SLC19A1: variants seen among roughly 807,000 people sequenced by gnomAD.
SLC19A1 encodes reduced folate transporter.
A neutral mutation model predicts 35.3 loss-of-function variants in SLC19A1; 37 were observed. The ratio of observed to expected loss-of-function variants is 1.05; its 90% confidence interval spans 0.81 to 1.38. The LOEUF (loss-of-function observed/expected upper bound fraction) is 1.38, where lower values mean the gene tolerates loss of function less well. Among genes scored for constraint, SLC19A1 ranks in the 40% most tolerant of loss-of-function variants. SLC19A1 has a pLI of 0.00. For missense variants in SLC19A1, 831 were observed against 826.9 expected, an observed-to-expected ratio of 1.00 and a Z score of -0.06; for synonymous variants, 460 against 398.5, an observed-to-expected ratio of 1.15 and a Z score of -1.84.
At chr21:45,529,370 AG>A (rs1602783705) in intron 4 of SLC19A1, among the ~76,000 whole-genome samples, 1 of 152,198 alleles carries the variant, frequency 6.6e-6, no homozygotes, top group African/African-American at 2.4e-5. Flanking sequence ...CATAAGGCCC[AG>A]GGGGATGACC....
At position 45,530,861 on chromosome 21, in the gene SLC19A1, C is replaced by A. The variant is rs2077854748; in HGVS notation, c.1060G>T (p.Ala354Ser). The A allele has an allele frequency of 6.7e-7, 1 of 1,494,424 alleles. No individual in the cohort carries two copies. The highest frequency in any genetic ancestry group is 1.4e-5 in the African/African-American group (1 of 69,156). 92.6% of individuals were successfully genotyped at this position (1,494,424 alleles called of 1,614,324 possible). ...ATQAGLVFLL[A>S]HTRHPSSIWL... ...ATGCTGCTCGGGTGGCGCGTGTGCG[C>A]CAGAAGGAAGACCAGCCCCGCCTGC... Residue 354 changes from alanine to serine, a missense_variant, in exon 4 of 6, where the codon GCG (alanine) becomes TCG (serine). Ala to Ser is a moderately conservative substitution (Grantham distance 99). Coordinates refer to ENST00000311124, the MANE Select transcript of SLC19A1 (RefSeq NM_194255.4). The surrounding 1 kb of genome is among the most constrained non-coding windows in gnomAD (Gnocchi z 5.3).
intron 1 of SLC19A1, among the ~76,000 whole-genome samples, chr21:45,555,672 G>A (rs1401972971): frequency 6.6e-6 from 1 of 152,008 alleles, no homozygotes; most frequent in Admixed American, 6.6e-5. Context: ...CGCGTGGGGA[G>A]TGCCTGAGGC....
chr21:45,557,181 G>T (rs1473443395), intron 1 of SLC19A1, among the ~76,000 whole-genome samples: 1 of 152,208 alleles, frequency 6.6e-6, no homozygotes. Flanking sequence ...TGGAGGCTGG[G>T]CCCTGGGGCT....
chr21:45,515,974 T>A lies in SLC19A1; in HGVS notation c.1460A>T (p.Gln487Leu). Residue 487 changes from glutamine (Q) to leucine (L), a missense_variant, in exon 6 of 6, where the codon CAG (glutamine) becomes CTG (leucine). Coordinates refer to ENST00000311124, the MANE Select transcript of SLC19A1 (RefSeq NM_194255.4). ...CTGCAGGCCTCCGAGGCCCTTGTCC[T>A]GCACGCTCAGTGCCTGTGCTGCCTT... The part of the protein sequence containing the change: ...EEKAAQALSV[Q>L]DKGLGGLQPA... 1.3e-6 allele frequency: 2 copies of A among 1,553,800 alleles called. No homozygotes were observed. Among genetic ancestry groups the A allele is most frequent in the Non-Finnish European group, 1.7e-6 (2 of 1,149,860 alleles).
downstream of SLC19A1, chr21:45,510,041 G>A (rs757737003): frequency 7.9e-5 from 121 of 1,541,388 alleles, no homozygotes; most frequent in South Asian, 1.0e-3. Context: ...GACACAGCCC[G>A]TGACGCGCCC....
chr21:45,557,059 C>T (rs1015403758), intron 1 of SLC19A1, among the ~76,000 whole-genome samples: 6 of 152,182 alleles, frequency 3.9e-5, no homozygotes, highest in African/African-American at 9.7e-5. Flanking sequence ...CCTGGCCTGG[C>T]CAGTGCCCTG....
In SLC19A1 at chr21:45,514,733, A is replaced by C. The variant is rs1413003186; in HGVS notation, c.*925T>G. ...GCGCACACTCACTTAAGTGTGTTTA[A>C]TGTATGTGGGAAGAGTATTCACATC... is the stretch of plus-strand genomic sequence containing the variant. On this transcript the variant is annotated 3_prime_UTR_variant, in exon 6 of 6. Coordinates refer to ENST00000311124, the MANE Select transcript of SLC19A1 (RefSeq NM_194255.4). 12 of 441,432 alleles carry C rather than the reference A, an allele frequency of 2.7e-5. No homozygotes were observed. The highest frequency in any genetic ancestry group is 4.5e-5 in the Admixed American group (1 of 22,234). 27.3% of individuals were successfully genotyped at this position (441,432 alleles called of 1,614,324 possible). A position where few individuals can be genotyped will look rare whatever the true frequency, so the allele number is the denominator to read the frequency against.
rs750592318 is a variant in SLC19A1 at position 45,516,021 on chromosome 21, G to T, written c.1413C>A (p.Gly471=). 87 of 1,577,594 alleles carry T rather than the reference G, an allele frequency of 5.5e-5. No homozygotes were observed. The highest frequency in any genetic ancestry group is 7.1e-5 in the Non-Finnish European group (83 of 1,162,920). ...GHHPRQPPAQ[G]LRSAAEEKAA... is the part of the protein sequence containing the mutation. ...CCTTCTCCTCCGCGGCACTCCTCAG[G>T]CCCTGGGCCGGGGGCTGCCGCGGGT... is the stretch of plus-strand genomic sequence containing the variant. The change falls in exon 6 of 6, where the codon GGC becomes GGA. Residue 471 remains glycine (G), a synonymous_variant. Coordinates refer to ENST00000311124, the MANE Select transcript of SLC19A1 (RefSeq NM_194255.4).
chr21:45,518,332 G>A (rs748240243), intron 5 of SLC19A1, among the ~76,000 whole-genome samples: 6 of 151,830 alleles, frequency 4.0e-5, no homozygotes, highest in Non-Finnish European at 7.4e-5. Flanking sequence ...AAAATGGACT[G>A]AAAAAAAATG....
chr21:45,533,908 C>T lies in SLC19A1; in HGVS notation c.190-1760G>A, dbSNP rs764238027. Among the ~76,000 whole-genome samples the T allele has an allele frequency of 6.6e-6, 1 of 152,100 alleles. No homozygotes were observed. Among genetic ancestry groups the T allele is most frequent in the African/African-American group, 2.4e-5 (1 of 41,422 alleles). On this transcript the variant is annotated intron_variant, in intron 2 of 5. Transcript: ENST00000311124. This position sits in a 1 kb window ranked among gnomAD's most constrained non-coding sequence, Gnocchi z 4.5. ...ACAGCTGGGCAATAGGACCCTGCAG[C>T]CAGGCCGGCATGCTGAGAAGCTTCC...
At chr21:45,527,709 A>C (rs1430780441) in intron 4 of SLC19A1, among the ~76,000 whole-genome samples, 1 of 83,188 alleles carries the variant, frequency 1.2e-5, no homozygotes, top group African/African-American at 4.7e-5. Flanking sequence ...CCTGGAGGTG[A>C]GTGGCAGTCA....
At chr21:45,504,719 C>T (rs2037085916) in intron 3 of SLC19A1, among the ~76,000 whole-genome samples, 2 of 152,056 alleles carry the variant, frequency 1.3e-5, no homozygotes, top group Non-Finnish European at 2.9e-5. Flanking sequence ...CGCAGCAGGC[C>T]ACATGGGTGT....
At position 45,530,465 on chromosome 21, in the gene SLC19A1, T is replaced by C. The variant is rs539669208; in HGVS notation, c.1151+305A>G. Among the ~76,000 whole-genome samples, 4 of 152,272 alleles carry C rather than the reference T, an allele frequency of 2.6e-5. No homozygotes were observed. The highest frequency in any genetic ancestry group is 9.6e-5 in the African/African-American group (4 of 41,540). ...TCACACAGGTGCAAGCTCCCGCTCC[T>C]GCCTGGATGGGGTCTCAGCAGCCCG... On this transcript the variant is annotated intron_variant, in intron 4 of 5. Transcript: ENST00000311124. This position sits in a 1 kb window ranked among gnomAD's most constrained non-coding sequence, Gnocchi z 5.3.
downstream of SLC19A1, among the ~76,000 whole-genome samples, chr21:45,508,483 ATGGG>A (rs898984734): frequency 1.7e-4 from 25 of 147,446 alleles, no homozygotes; most frequent in African/African-American, 5.8e-4. Context: ...GGGTGAGTGG[ATGGG>A]TGGGTGGATG....
chr21:45,522,799 A>G (rs952040277), intron 5 of SLC19A1, among the ~76,000 whole-genome samples: 1 of 152,094 alleles, frequency 6.6e-6, no homozygotes, highest in African/African-American at 2.4e-5. Context: ...ACAAGCGGAG[A>G]AGAGGGTAGT....
At chr21:45,520,362 G>T (rs1205800679) in intron 5 of SLC19A1, among the ~76,000 whole-genome samples, 1 of 151,994 alleles carries the variant, frequency 6.6e-6, no homozygotes, top group Admixed American at 6.6e-5. Flanking sequence ...AGAAATAAAA[G>T]ATATACAGAT....
rs1302463366 is a variant in SLC19A1 at position 45,531,402 on chromosome 21, G to A, written c.936C>T (p.Ala312=). The change falls in exon 3 of 6, where the codon GCC becomes GCT. Residue 312 remains alanine (A), a synonymous_variant. Transcript: ENST00000311124. ...GGGCATGCGTACCCAGCAGCGTGGA[G>A]GCAGCATCTGCCGCGCCGTTGTAGA... is the stretch of plus-strand genomic sequence containing the variant. ...ARVYNGAADA[A]STLLGAITSF... 5 of 1,584,820 alleles carry A rather than the reference G, an allele frequency of 3.2e-6. No homozygotes were observed. The highest frequency in any genetic ancestry group is 3.4e-6 in the Non-Finnish European group (4 of 1,164,144).
rs1324722518 is a variant in SLC19A1 at position 45,533,803 on chromosome 21, C to T, written c.190-1655G>A. 2.0e-5 allele frequency among the ~76,000 whole-genome samples: 3 copies of T among 152,168 alleles called. No homozygotes were observed. The highest frequency in any genetic ancestry group is 4.4e-5 in the Non-Finnish European group (3 of 68,018). On this transcript the variant is annotated intron_variant, in intron 2 of 5. Transcript: ENST00000311124. This position sits in a 1 kb window ranked among gnomAD's most constrained non-coding sequence, Gnocchi z 4.5. ...GCTGCGCCGAGCCACGCCGCCTCCC[C>T]GGGGGCTCTCAGCCTCGTGTCTGGC...
chr21:45,550,030 C>T (rs1031533667), intron 1 of SLC19A1, among the ~76,000 whole-genome samples: 3 of 152,108 alleles, frequency 2.0e-5, no homozygotes, highest in Non-Finnish European at 4.4e-5. Context: ...TGTCTCTCCC[C>T]GGCCAGGCTG....
Sources: allele counts gnomAD v4.1 joint callset (sites outside exome capture counted in the v4.1 genomes callset), GRCh38; gene constraint gnomAD v4.1.1; non-coding constraint Gnocchi (gnomAD v3.1); transcripts MANE v1.5; gene names NCBI Gene and HGNC (gene_info 2026-07-23, HGNC 2026-07-21).